The following DOCK9 variants were observed in gnomAD, a reference collection of about 807,000 sequenced individuals.
DOCK9 encodes dedicator of cytokinesis protein 9.
A neutral mutation model predicts 263.3 loss-of-function variants in DOCK9; 89 were observed. The observed-to-expected ratio is 0.34, with a 90% confidence interval of 0.28 to 0.40. The LOEUF is 0.40. Ranked by LOEUF, DOCK9 falls within the 10% of genes least tolerant of loss-of-function variation. The probability of loss-of-function intolerance (pLI) is 1.00; values close to 1 mark genes in which losing one functional copy is unlikely to be tolerated. For missense variants in DOCK9, 2,140 were observed against 2,603.4 expected, an observed-to-expected ratio of 0.82 and a Z score of 3.87; for synonymous variants, 976 against 973.1, an observed-to-expected ratio of 1.00 and a Z score of -0.06.
intron 1 of DOCK9, among the ~76,000 whole-genome samples, chr13:99,077,024 A>C (rs937212971): frequency 6.6e-6 from 1 of 152,108 alleles, no homozygotes; most frequent in Non-Finnish European, 1.5e-5. Flanking sequence ...TCCAGGCAGA[A>C]GTGAGAGCTT....
intron 13 of DOCK9, among the ~76,000 whole-genome samples, chr13:98,899,015 T>C (rs745529687): frequency 3.9e-5 from 6 of 152,096 alleles, no homozygotes; most frequent in Non-Finnish European, 8.8e-5. Flanking sequence ...AGTTTGATTG[T>C]CTCAGAGTTA....
In DOCK9 at chr13:98,830,638, A is replaced by G. The variant is rs141948858; in HGVS notation, c.4635+710T>C. Among the ~76,000 whole-genome samples the G allele has an allele frequency of 2.7e-3, 413 of 152,252 alleles. 1 individual carries two copies. The highest frequency in any genetic ancestry group is 9.4e-3 in the African/African-American group (391 of 41,526). The stretch of plus-strand genomic sequence containing the variant: ...GATCTTCAACCATGAGCCCCTATGC[A>G]TCCTTCACATCCTCTAGGTGCCCCT... On this transcript the variant is annotated intron_variant, in intron 41 of 52. Coordinates refer to ENST00000682017, the MANE Select transcript of DOCK9 (RefSeq NM_001366683.2).
At chr13:99,086,104 G>C in intron 1 of DOCK9, 2 of 1,326,648 alleles carry the variant, frequency 1.5e-6, no homozygotes. Context: ...TGATTCCGCG[G>C]ACCCAGCAGG....
At chr13:98,813,661 C>T (rs1346918805) in intron 45 of DOCK9, among the ~76,000 whole-genome samples, 1 of 151,932 alleles carries the variant, frequency 6.6e-6, no homozygotes, top group East Asian at 1.9e-4. Flanking sequence ...TTTTTTGAGA[C>T]AGAATTCCAC....
intron 1 of DOCK9, among the ~76,000 whole-genome samples, chr13:99,016,860 A>C (rs1363957763): frequency 1.3e-5 from 2 of 152,178 alleles, no homozygotes; most frequent in African/African-American, 4.8e-5. Flanking sequence ...ATTTCTCTCT[A>C]TAGATGTGAA....
At chr13:98,882,506 C>T (rs190108204) in intron 23 of DOCK9, among the ~76,000 whole-genome samples, 1 of 152,300 alleles carries the variant, frequency 6.6e-6, no homozygotes, top group South Asian at 2.1e-4. Context: ...TTAGCTATTT[C>T]CCCTTTCCAA....
chr13:98,940,470 C>T (rs1464060645), intron 2 of DOCK9, among the ~76,000 whole-genome samples: 1 of 152,142 alleles, frequency 6.6e-6, no homozygotes, highest in East Asian at 1.9e-4. Context: ...GTGATCATGG[C>T]TCACTGCAGC....
intron 1 of DOCK9, among the ~76,000 whole-genome samples, chr13:98,989,672 G>T (rs1408567228): frequency 1.3e-5 from 2 of 152,196 alleles, no homozygotes; most frequent in African/African-American, 2.4e-5. Flanking sequence ...GTGGGGTAGA[G>T]ATTGAAGCCA....
At chr13:99,004,103 T>G (rs1227650696) in intron 1 of DOCK9, among the ~76,000 whole-genome samples, 1 of 152,140 alleles carries the variant, frequency 6.6e-6, no homozygotes, top group Non-Finnish European at 1.5e-5. Context: ...GTCCCTCTCC[T>G]TCTCCTTCAC....
intron 45 of DOCK9, chr13:98,820,724 C>A (rs1327258526): frequency 2.5e-6 from 1 of 405,892 alleles, no homozygotes; most frequent in South Asian, 1.8e-5. Context: ...TCAGGAACGC[C>A]TTTCTTCTCC....
chr13:98,937,922 T>TG (rs1479892465), intron 2 of DOCK9, among the ~76,000 whole-genome samples: 10 of 152,342 alleles, frequency 6.6e-5, no homozygotes, highest in African/African-American at 2.4e-4. Context: ...TGAGCCACTG[T>TG]GGGAAGCCAC....
At chr13:98,932,385 A>G (rs2054095903) in intron 2 of DOCK9, among the ~76,000 whole-genome samples, 1 of 146,766 alleles carries the variant, frequency 6.8e-6, no homozygotes, top group Non-Finnish European at 1.5e-5. Flanking sequence ...ACAGAGCAAG[A>G]CTCCATCTCA....
At position 98,834,105 on chromosome 13, in the gene DOCK9, C is replaced by CT. The variant is rs1260161200; in HGVS notation, c.4315-2320dup. ...TGGAGACTGCTTCTCTAGGAATTCT[C>CT]TGTCTTGGATTCAGGTTTGACCATT... On this transcript the variant is annotated intron_variant, in intron 39 of 52. Transcript: ENST00000682017. 8.5e-5 allele frequency among the ~76,000 whole-genome samples: 13 copies of CT among 152,326 alleles called. No homozygotes were observed. The East Asian group carries it at 2.5e-3, about 29-fold the overall frequency.
intron 1 of DOCK9, among the ~76,000 whole-genome samples, chr13:99,060,062 CTTTTTTTTTTT>C (rs71114576): frequency 1.1e-4 from 7 of 61,462 alleles, no homozygotes; most frequent in South Asian, 1.5e-3. Flanking sequence ...ATTGTTTCTA[CTTTTTTTTTTT>C]TTTTTTTTTT....
chr13:98,935,811 A>T (rs1229559465), intron 2 of DOCK9, among the ~76,000 whole-genome samples: 1 of 152,146 alleles, frequency 6.6e-6, no homozygotes, highest in African/African-American at 2.4e-5. Context: ...GTTGGAACCC[A>T]TTAGGCTGGA....
intron 27 of DOCK9, among the ~76,000 whole-genome samples, chr13:98,872,447 C>T (rs2094212815): frequency 6.6e-6 from 1 of 151,886 alleles, no homozygotes; most frequent in African/African-American, 2.4e-5. Flanking sequence ...CACTCTGTCG[C>T]CCAGGCTGGA....
intron 1 of DOCK9, among the ~76,000 whole-genome samples, chr13:99,051,483 G>T (rs190169887): frequency 3.9e-5 from 6 of 152,178 alleles, no homozygotes; most frequent in African/African-American, 1.4e-4. Flanking sequence ...GAAACATGAG[G>T]TCTGCAGCTT....
intron 13 of DOCK9, among the ~76,000 whole-genome samples, chr13:98,901,407 A>G (rs2048261278): frequency 6.6e-6 from 1 of 152,250 alleles, no homozygotes; most frequent in African/African-American, 2.4e-5. Flanking sequence ...CCAGCCTCAT[A>G]TATAAGTGTA....
chr13:98,855,639 G>A (rs145647338), intron 34 of DOCK9, among the ~76,000 whole-genome samples: 32 of 152,110 alleles, frequency 2.1e-4, no homozygotes, highest in African/African-American at 6.7e-4. Flanking sequence ...GTCCCTCCCC[G>A]TTCAACCCAC....
Sources: allele counts gnomAD v4.1 joint callset (sites outside exome capture counted in the v4.1 genomes callset), GRCh38; gene constraint gnomAD v4.1.1; transcripts MANE v1.5; gene names NCBI Gene and HGNC (gene_info 2026-07-23, HGNC 2026-07-21).